Variants in KLF8 observed in about 807,000 individuals in gnomAD.
KLF8 encodes the protein Krueppel-like factor 8.
A neutral mutation model predicts 18.2 loss-of-function variants in KLF8; 10 were observed. The observed-to-expected ratio is 0.55, with a 90% CI of 0.34 to 0.93. The LOEUF (loss-of-function observed/expected upper bound fraction) is 0.93, where lower values mean the gene tolerates loss of function less well. Among genes scored for constraint, KLF8 ranks in the 40% least tolerant of loss-of-function variants. The pLI is 0.02. For missense variants in KLF8, 264 were observed against 277.9 expected (o/e 0.95, Z 0.36); for synonymous variants, 109 against 97.3 (o/e 1.12, Z -0.71).
the KLF8 span, among the ~76,000 whole-genome samples, chrX:56,184,765 G>C: frequency 8.9e-6 from 1 of 111,949 alleles, no homozygotes; most frequent in Non-Finnish European, 1.9e-5. Flanking sequence ...AGGCAAACAG[G>C]GTCTAGGGTG....
At chrX:55,999,298 G>T in the KLF8 span, among the ~76,000 whole-genome samples, 61 of 21,031 alleles carry the variant, frequency 2.9e-3, no homozygotes, top group African/African-American at 5.6e-3. Flanking sequence ...TTTTTTTTTT[G>T]CTTCGTTTTG....
At chrX:56,000,478 G>A in the KLF8 span, among the ~76,000 whole-genome samples, 1 of 70,327 alleles carries the variant, frequency 1.4e-5, no homozygotes, top group Admixed American at 1.5e-4. Flanking sequence ...TTTTTCTTGG[G>A]GGGGGGGGGA....
At chrX:56,171,835 G>A in the KLF8 span, among the ~76,000 whole-genome samples, 4 of 111,705 alleles carry the variant, frequency 3.6e-5, no homozygotes, top group Non-Finnish European at 5.6e-5. Context: ...ATAAACATAC[G>A]TGTGCATGTG....
At chrX:56,159,003 G>A in the KLF8 span, among the ~76,000 whole-genome samples, 1 of 111,821 alleles carries the variant, frequency 8.9e-6, no homozygotes, top group East Asian at 2.8e-4. Flanking sequence ...TGCCCATTCA[G>A]TATGATATTG....
chrX:56,193,403 C>T, the KLF8 span, among the ~76,000 whole-genome samples: 1 of 111,629 alleles, frequency 9.0e-6, no homozygotes, highest in Non-Finnish European at 1.9e-5. Context: ...CCATGGAGAA[C>T]AGTTTGGAGG....
At chrX:56,201,457 G>A in the KLF8 span, among the ~76,000 whole-genome samples, 2 of 111,292 alleles carry the variant, frequency 1.8e-5, no homozygotes, top group Non-Finnish European at 3.8e-5. Flanking sequence ...GTTGGGGCGG[G>A]GAATGGAGAG....
the KLF8 span, among the ~76,000 whole-genome samples, chrX:56,090,692 T>A: frequency 1.8e-5 from 2 of 111,348 alleles, no homozygotes; most frequent in African/African-American, 3.3e-5. Flanking sequence ...CCCATTCAGG[T>A]TTATTACGTG....
chrX:55,962,254 G>T, the KLF8 span: 3 of 190,679 alleles, frequency 1.6e-5, no homozygotes, highest in South Asian at 1.8e-4. Flanking sequence ...TTAACATGCA[G>T]ACTCAGCTGG....
chrX:55,923,036 T>C, the KLF8 span, among the ~76,000 whole-genome samples: 3 of 111,335 alleles, frequency 2.7e-5, no homozygotes, highest in Admixed American at 9.6e-5. Context: ...CATATGTTCA[T>C]TGCAGCACTA....
chrX:56,156,717 T>G, the KLF8 span, among the ~76,000 whole-genome samples: 1 of 100,414 alleles, frequency 1.0e-5, no homozygotes, highest in South Asian at 4.9e-4. Context: ...ATGCTATCCC[T>G]CCCCCCTACC....
chrX:55,998,833 A>T, the KLF8 span, among the ~76,000 whole-genome samples: 1 of 102,422 alleles, frequency 9.8e-6, no homozygotes, highest in Non-Finnish European at 2.0e-5. Flanking sequence ...TTTTAGCAGA[A>T]GCTTTTTAGT....
chrX:56,137,737 A>C, the KLF8 span, among the ~76,000 whole-genome samples: 4 of 107,971 alleles, frequency 3.7e-5, no homozygotes, highest in African/African-American at 1.4e-4. Context: ...ATGTACCCTA[A>C]AACTTAAAGT....
At chrX:56,044,733 C>T in the KLF8 span, among the ~76,000 whole-genome samples, 1 of 112,083 alleles carries the variant, frequency 8.9e-6, no homozygotes, top group African/African-American at 3.2e-5. Flanking sequence ...AGACCCATCT[C>T]AGGTAGACTC....
the KLF8 span, among the ~76,000 whole-genome samples, chrX:56,058,804 A>G: frequency 1.8e-5 from 2 of 111,603 alleles, no homozygotes; most frequent in African/African-American, 6.5e-5. Flanking sequence ...TACTGCTGCA[A>G]TAAACATATG....
Position 56,284,548 on chromosome X carries a change from T to C in KLF8, c.*54T>C. On this transcript the variant is annotated 3_prime_UTR_variant, in exon 6 of 6. Transcript: ENST00000468660. ...GCTGGTATCTTTCCTGGTCGTGTGC[T>C]GAGGTTGGGACAATTTTTTCCTCTT... 2 of 1,026,711 alleles carry C rather than the reference T, an allele frequency of 1.9e-6. No individual in the cohort carries two copies. The highest frequency in any genetic ancestry group is 1.3e-6 in the Non-Finnish European group (1 of 777,474). 84.6% of individuals were successfully genotyped at this position (1,026,711 alleles called of 1,213,427 possible). A position where few individuals can be genotyped will look rare whatever the true frequency, so the allele number is the denominator to read the frequency against.
the KLF8 span, among the ~76,000 whole-genome samples, chrX:56,094,286 C>A: frequency 3.6e-5 from 4 of 111,090 alleles, no homozygotes; most frequent in Non-Finnish European, 5.7e-5. Context: ...TTCATGTTAA[C>A]TCCAACCAAA....
chrX:56,167,673 G>T, the KLF8 span, among the ~76,000 whole-genome samples: 5 of 111,812 alleles, frequency 4.5e-5, no homozygotes, highest in South Asian at 1.9e-3. Flanking sequence ...AGTAGTTGAT[G>T]ACAATGATTG....
At chrX:56,058,127 C>T in the KLF8 span, among the ~76,000 whole-genome samples, 2 of 94,763 alleles carry the variant, frequency 2.1e-5, no homozygotes, top group African/African-American at 8.0e-5. Flanking sequence ...CATCTTGGTC[C>T]CTCAGTGGCA....
At chrX:56,044,921 C>A in the KLF8 span, among the ~76,000 whole-genome samples, 1 of 112,431 alleles carries the variant, frequency 8.9e-6, no homozygotes, top group African/African-American at 3.2e-5. Context: ...TAAGTCCAAT[C>A]TATTTTTGTT....
Sources: allele counts gnomAD v4.1 joint callset (sites outside exome capture counted in the v4.1 genomes callset), GRCh38; gene constraint gnomAD v4.1.1; transcripts MANE v1.5; gene names NCBI Gene and HGNC (gene_info 2026-07-23, HGNC 2026-07-21).